Variants in CSMD1 observed in about 807,000 individuals in gnomAD.
CSMD1 encodes the protein CUB and sushi domain-containing protein 1.
Under a neutral mutation model 417.5 loss-of-function variants are expected in CSMD1, and 213 were observed. The observed-to-expected ratio is 0.51, with a 90% CI of 0.46 to 0.57. The LOEUF is 0.57. Ranked by LOEUF, CSMD1 falls within the 20% of genes least tolerant of loss-of-function variation. The pLI is 0.00. For synonymous variants in CSMD1, 2,862 were observed against 1,736.8 expected (o/e 1.65, Z -16.11); for missense variants, 6,923 against 4,529.7 (o/e 1.53, Z -15.17).
intron 9 of CSMD1, among the ~76,000 whole-genome samples, chr8:3,579,252 T>C (rs1202938753): frequency 1.3e-5 from 2 of 152,060 alleles, no homozygotes; most frequent in Admixed American, 6.5e-5. Context: ...TGGATGCCAA[T>C]GCATGCCATT....
At chr8:3,044,763 G>C (rs549956383) in intron 50 of CSMD1, among the ~76,000 whole-genome samples, 116 of 152,238 alleles carry the variant, frequency 7.6e-4, no homozygotes, top group African/African-American at 2.6e-3. Context: ...CGAACTAATT[G>C]TATTTACCAT....
chr8:3,207,694 A>G (rs1186106899), intron 30 of CSMD1, among the ~76,000 whole-genome samples: 1 of 152,168 alleles, frequency 6.6e-6, no homozygotes, highest in South Asian at 2.1e-4. Context: ...AAAGGAAAAC[A>G]GCTCAGACAT....
At chr8:3,309,835 C>G (rs1805187886) in intron 23 of CSMD1, among the ~76,000 whole-genome samples, 1 of 152,170 alleles carries the variant, frequency 6.6e-6, no homozygotes, top group Non-Finnish European at 1.5e-5. Context: ...CTGCTGATGT[C>G]TGACTAATCA....
At chr8:4,142,665 C>G (rs75702956) in intron 3 of CSMD1, among the ~76,000 whole-genome samples, 45,250 of 150,682 alleles carry the variant, frequency 0.3, 8,429 homozygotes, top group Non-Finnish European at 0.39. Context: ...CTGATTCTGG[C>G]CGTGGCTTCT....
At chr8:3,251,368 A>G (rs1273025301) in intron 26 of CSMD1, among the ~76,000 whole-genome samples, 4 of 152,118 alleles carry the variant, frequency 2.6e-5, no homozygotes, top group East Asian at 1.9e-4. Flanking sequence ...AAGATCAGAT[A>G]GTTGTAGATA....
intron 1 of CSMD1, among the ~76,000 whole-genome samples, chr8:4,640,954 T>G (rs1450088224): frequency 6.6e-6 from 1 of 150,406 alleles, no homozygotes; most frequent in Admixed American, 6.6e-5. Context: ...TCAATGGCAA[T>G]ATCAATGGTA....
At chr8:4,819,801 C>T (rs1414061676) in intron 1 of CSMD1, among the ~76,000 whole-genome samples, 2 of 152,004 alleles carry the variant, frequency 1.3e-5, no homozygotes, top group African/African-American at 4.8e-5. Context: ...AAGGGTGGGG[C>T]TGTTTGGGTG....
chr8:4,778,824 C>T (rs1797006025), intron 1 of CSMD1, among the ~76,000 whole-genome samples: 1 of 152,130 alleles, frequency 6.6e-6, no homozygotes, highest in Non-Finnish European at 1.5e-5. Context: ...AGATGAGATG[C>T]AATGATCAAA....
At chr8:4,396,795 G>A (rs556745245) in intron 3 of CSMD1, among the ~76,000 whole-genome samples, 6 of 151,988 alleles carry the variant, frequency 3.9e-5, no homozygotes, top group East Asian at 3.9e-4. Flanking sequence ...ACCAAACATC[G>A]TATGTTCTCA....
chr8:3,552,862 T>G (rs1798977228), intron 10 of CSMD1, among the ~76,000 whole-genome samples: 1 of 152,128 alleles, frequency 6.6e-6, no homozygotes, highest in Non-Finnish European at 1.5e-5. Flanking sequence ...TATAAAAGAT[T>G]TACTTGTTTA....
chr8:4,101,995 C>A (rs577369922), intron 3 of CSMD1, among the ~76,000 whole-genome samples: 1 of 152,192 alleles, frequency 6.6e-6, no homozygotes, highest in South Asian at 2.1e-4. Context: ...GGACTGGGGA[C>A]CCGGCAATAG....
intron 3 of CSMD1, among the ~76,000 whole-genome samples, chr8:4,372,648 A>T (rs953882919): frequency 1.1e-4 from 15 of 142,690 alleles, no homozygotes; most frequent in Admixed American, 2.8e-4. Flanking sequence ...AAAAAAAAAA[A>T]TCACAAACAA....
chr8:3,194,411 TTTTA>T (rs1434583186), intron 33 of CSMD1, among the ~76,000 whole-genome samples: 1 of 52,362 alleles, frequency 1.9e-5, no homozygotes, highest in Non-Finnish European at 4.3e-5. Context: ...TGATTAACTA[TTTTA>T]TTTTATTTTA....
At chr8:4,521,988 T>C (rs985981367) in intron 2 of CSMD1, among the ~76,000 whole-genome samples, 5 of 152,204 alleles carry the variant, frequency 3.3e-5, no homozygotes. Flanking sequence ...CTAGTTTTTA[T>C]TAAATTTTGA....
intron 1 of CSMD1, among the ~76,000 whole-genome samples, chr8:4,723,798 A>AAC (rs1554457691): frequency 6.1e-5 from 9 of 146,378 alleles, no homozygotes; most frequent in African/African-American, 2.4e-4. Flanking sequence ...AAAAAAAAAA[A>AAC]AACAAAAAAA....
chr8:3,161,586 G>A (rs1425779541), intron 38 of CSMD1, among the ~76,000 whole-genome samples: 4 of 138,850 alleles, frequency 2.9e-5, no homozygotes, highest in Admixed American at 1.6e-4. Context: ...TCATGCCGCT[G>A]CACTCCAGCC....
chr8:4,229,961 C>T (rs566923612), intron 3 of CSMD1, among the ~76,000 whole-genome samples: 6 of 152,172 alleles, frequency 3.9e-5, no homozygotes, highest in Non-Finnish European at 5.9e-5. Context: ...GAGACTTTTA[C>T]GTCCTAAAGC....
At chr8:4,977,478 T>C (rs1407227333) in intron 1 of CSMD1, among the ~76,000 whole-genome samples, 2 of 152,104 alleles carry the variant, frequency 1.3e-5, no homozygotes, top group Admixed American at 6.5e-5. Flanking sequence ...GAAGGTCTCA[T>C]CTCTTCTGGG....
At chr8:3,838,836 T>G (rs1444683978) in intron 5 of CSMD1, among the ~76,000 whole-genome samples, 1 of 122,612 alleles carries the variant, frequency 8.2e-6, no homozygotes, top group Admixed American at 9.2e-5. Context: ...TATATAATAT[T>G]AATTATATAT....
Sources: allele counts gnomAD v4.1 joint callset (sites outside exome capture counted in the v4.1 genomes callset), GRCh38; gene constraint gnomAD v4.1.1; transcripts MANE v1.5; gene names NCBI Gene and HGNC (gene_info 2026-07-23, HGNC 2026-07-21).